Variants in NIBAN1 observed in about 807,000 individuals in gnomAD.
NIBAN1 encodes the protein niban apoptosis regulator 1, also known as protein Niban 1.
A neutral mutation model predicts 75.1 loss-of-function variants in NIBAN1; 81 were observed. The ratio of observed to expected loss-of-function variants is 1.08; its 90% CI spans 0.90 to 1.30. The LOEUF (loss-of-function observed/expected upper bound fraction) is 1.30, where lower values mean the gene tolerates loss of function less well. Among genes scored for constraint, NIBAN1 ranks in the 50% most tolerant of loss-of-function variants. The probability of loss-of-function intolerance (pLI) is 0.00; values close to 1 mark genes in which losing one functional copy is unlikely to be tolerated. For synonymous variants in NIBAN1, 436 were observed against 424.8 expected (o/e 1.03, Z -0.32); for missense variants, 1,133 against 1,128.1 (o/e 1.00, Z -0.06).
chr1:184,948,617 C>T (rs563661330), intron 1 of NIBAN1, among the ~76,000 whole-genome samples: 4 of 151,978 alleles, frequency 2.6e-5, no homozygotes, highest in Admixed American at 2.6e-4. Flanking sequence ...TTTAAAATGA[C>T]CTAAATGTCC....
At chr1:184,804,143 A>T (rs1004490285) in intron 11 of NIBAN1, among the ~76,000 whole-genome samples, 6 of 152,236 alleles carry the variant, frequency 3.9e-5, no homozygotes, top group African/African-American at 1.4e-4. Flanking sequence ...CATGTTAACC[A>T]AAGAAGTTCA....
chr1:184,967,006 T>C (rs1032780696), intron 1 of NIBAN1, among the ~76,000 whole-genome samples: 1 of 152,302 alleles, frequency 6.6e-6, no homozygotes, highest in East Asian at 1.9e-4. Flanking sequence ...CTTTCATACC[T>C]CTAAAGCGTT....
At chr1:184,815,802 GA>G (rs1339436457) in intron 9 of NIBAN1, among the ~76,000 whole-genome samples, 1 of 152,170 alleles carries the variant, frequency 6.6e-6, no homozygotes, top group African/African-American at 2.4e-5. Flanking sequence ...GGATTAAAGA[GA>G]ACACTGCCAG....
At chr1:184,853,352 C>T (rs1361721116) in intron 5 of NIBAN1, among the ~76,000 whole-genome samples, 1 of 152,160 alleles carries the variant, frequency 6.6e-6, no homozygotes, top group African/African-American at 2.4e-5. Flanking sequence ...TAAATCAAGA[C>T]TATACAATGG....
At chr1:184,806,189 A>G (rs1322772886) in intron 10 of NIBAN1, 133 bp from the exon 11 acceptor site, 5 of 628,824 alleles carry the variant, frequency 8.0e-6, no homozygotes, top group Non-Finnish European at 1.4e-5. Flanking sequence ...CGGTGGGGGT[A>G]CCCAAGGCAA....
At chr1:184,890,370 AATATGTT>A in intron 3 of NIBAN1, 148 bp from the exon 4 acceptor site, 1 of 622,814 alleles carries the variant, frequency 1.6e-6, no homozygotes, top group Non-Finnish European at 2.9e-6. Context: ...TTACTCAAAA[AATATGTT>A]TTGAATACCT....
intron 5 of NIBAN1, among the ~76,000 whole-genome samples, chr1:184,874,240 A>G (rs954532306): frequency 1.4e-4 from 21 of 152,066 alleles, no homozygotes; most frequent in Non-Finnish European, 2.1e-4. Context: ...GAAGTCAAGA[A>G]AGTAGAAGAA....
At chr1:184,832,016 A>G (rs1396018739) in intron 5 of NIBAN1, 54 bp from the exon 6 acceptor site, 3 of 1,304,614 alleles carry the variant, frequency 2.3e-6, no homozygotes, top group African/African-American at 1.5e-5. Context: ...AGATTTCCCC[A>G]TAGCTCTTCA....
chr1:184,893,955 G>A (rs1251597815), intron 3 of NIBAN1, 120 bp downstream of exon 3: 3 of 996,874 alleles, frequency 3.0e-6, no homozygotes, highest in South Asian at 1.9e-5. Flanking sequence ...CTCTATTTTT[G>A]TACCAGTACC....
intron 7 of NIBAN1, 98 bp from the exon 8 acceptor site, chr1:184,823,427 A>G (rs2102223363): frequency 2.1e-6 from 3 of 1,451,188 alleles, no homozygotes; most frequent in East Asian, 4.6e-5. Context: ...CCATCATAAC[A>G]AACAGAACTG....
chr1:184,905,658 T>C (rs1181296180), intron 1 of NIBAN1, among the ~76,000 whole-genome samples: 1 of 152,020 alleles, frequency 6.6e-6, no homozygotes, highest in Non-Finnish European at 1.5e-5. Context: ...CCAACCCGAG[T>C]AGAAACCTCT....
intron 6 of NIBAN1, among the ~76,000 whole-genome samples, chr1:184,831,113 G>A (rs534192212): frequency 1.3e-5 from 2 of 152,278 alleles, no homozygotes; most frequent in East Asian, 3.9e-4. Context: ...ATGGAGGCTG[G>A]GGTCACATCA....
chr1:184,906,491 G>A (rs898198961), intron 1 of NIBAN1, among the ~76,000 whole-genome samples: 31 of 151,928 alleles, frequency 2.0e-4, no homozygotes, highest in Non-Finnish European at 2.8e-4. Flanking sequence ...TTAGCCAGGC[G>A]TGGTGGCGCA....
At chr1:184,823,546 A>G in intron 7 of NIBAN1, 92 bp downstream of exon 7, 1 of 1,404,970 alleles carries the variant, frequency 7.1e-7, no homozygotes, top group Non-Finnish European at 9.9e-7. Context: ...AGGGAAGGGA[A>G]TATCAACAAC....
intron 5 of NIBAN1, among the ~76,000 whole-genome samples, chr1:184,840,716 A>G (rs1391029468): frequency 1.3e-5 from 2 of 150,898 alleles, no homozygotes; most frequent in Non-Finnish European, 2.9e-5. Flanking sequence ...GACATACTAG[A>G]TTGGTAGATT....
intron 5 of NIBAN1, among the ~76,000 whole-genome samples, chr1:184,839,035 A>T (rs151289181): frequency 8.9e-4 from 135 of 152,310 alleles, no homozygotes; most frequent in South Asian, 4.8e-3. Flanking sequence ...AGAACAAAGA[A>T]GGGGAACAGG....
chr1:184,898,148 C>T (rs1656853226), intron 2 of NIBAN1, among the ~76,000 whole-genome samples: 1 of 152,196 alleles, frequency 6.6e-6, no homozygotes, highest in East Asian at 1.9e-4. Context: ...CTCCCTTGCT[C>T]ACAGTGCTCC....
chr1:184,940,745 T>C (rs183664756), intron 1 of NIBAN1, among the ~76,000 whole-genome samples: 3 of 152,320 alleles, frequency 2.0e-5, no homozygotes, highest in Admixed American at 6.5e-5. Flanking sequence ...ATTAGTTCTG[T>C]GAGTAAAAAT....
chr1:184,815,354 C>A (rs142724435), intron 9 of NIBAN1, among the ~76,000 whole-genome samples: 2 of 152,212 alleles, frequency 1.3e-5, no homozygotes, highest in Non-Finnish European at 2.9e-5. Context: ...CTCCACACTA[C>A]AGCAAAACTT....
Sources: gnomAD v4.1 joint callset for allele counts (sites outside exome capture counted in the v4.1 genomes callset) on GRCh38, gnomAD v4.1.1 for gene constraint, MANE v1.5 for transcripts, NCBI Gene and HGNC (gene_info 2026-07-23, HGNC 2026-07-21) for gene names.